PIK3R4: variants seen among roughly 807,000 people sequenced by gnomAD.
PIK3R4 encodes phosphoinositide-3-kinase regulatory subunit 4.
PIK3R4 carries 46 observed loss-of-function variants against 136.5 expected under a neutral mutation model. The observed-to-expected ratio is 0.34, with a 90% CI of 0.27 to 0.43. PIK3R4 has a LOEUF of 0.43. Among genes scored for constraint, PIK3R4 ranks in the 20% least tolerant of loss-of-function variants. The pLI is 1.00. For synonymous variants in PIK3R4, 557 were observed against 566.7 expected, an observed-to-expected ratio of 0.98 and a Z score of 0.24; for missense variants, 1,331 against 1,649.5, an observed-to-expected ratio of 0.81 and a Z score of 3.35.
At chr3:130,718,644 C>T (rs2066680649) in intron 7 of PIK3R4, 110 bp from the exon 8 acceptor site, 2 of 949,528 alleles carry the variant, frequency 2.1e-6, no homozygotes, top group South Asian at 3.2e-5. Flanking sequence ...CACAGTGTTA[C>T]TATCAGGAGC....
At chr3:130,679,698 T>A (rs928373381) in intron 19 of PIK3R4, among the ~76,000 whole-genome samples, 1 of 152,184 alleles carries the variant, frequency 6.6e-6, no homozygotes, top group African/African-American at 2.4e-5. Context: ...TAGCCACTTA[T>A]AACTATGGAA....
At position 130,744,709 on chromosome 3, in the gene PIK3R4, A is replaced by G. The variant is rs147889150; in HGVS notation, c.510T>C (p.Phe170=). 2 of 1,614,130 alleles carry G rather than the reference A, an allele frequency of 1.2e-6. No homozygotes were observed. Among genetic ancestry groups the G allele is most frequent in the African/African-American group, 2.7e-5 (2 of 74,952 alleles). The change falls in exon 2 of 20, where the codon TTT becomes TTC. Residue 170 remains phenylalanine, a synonymous_variant. Coordinates refer to ENST00000356763, the MANE Select transcript of PIK3R4 (RefSeq NM_014602.3). ...TGTCTTCTGGAAGATAAGTGGGCTT[A>G]AAACTGGCAAAATCAGTTAGAAGAA... ...NWVLLTDFAS[F]KPTYLPEDNP...
rs2066478302 is a variant in PIK3R4, at chr3:130,684,531, GTC to G, written c.3476-152_3476-151del. ...AAAAAAGTTTTGTTCTCATGAAGCT[GTC>G]TCACCATTTTCAAACAATACCCCTT... On this transcript the variant is annotated intron_variant, in intron 15 of 19. Transcript: ENST00000356763. 6 of 646,860 alleles carry G rather than the reference GTC, an allele frequency of 9.3e-6. No homozygotes were observed. In the East Asian group the frequency reaches 1.7e-4, roughly 18 times the overall value. 40.1% of individuals were successfully genotyped at this position (646,860 alleles called of 1,614,324 possible). A position where few individuals can be genotyped will look rare whatever the true frequency, so the allele number is the denominator to read the frequency against.
At chr3:130,725,245 CTATGAA>C (rs1473612057) in intron 6 of PIK3R4, among the ~76,000 whole-genome samples, 2 of 151,462 alleles carry the variant, frequency 1.3e-5, no homozygotes, top group African/African-American at 4.8e-5. Context: ...TTGAATATGG[CTATGAA>C]TATGAGTACA....
In PIK3R4 at chr3:130,681,522, G is replaced by A; in HGVS notation, c.3677C>T (p.Ala1226Val). The A allele has an allele frequency of 1.9e-6, 3 of 1,611,320 alleles. No individual in the cohort carries two copies. The highest frequency in any genetic ancestry group is 1.7e-6 in the Non-Finnish European group (2 of 1,177,562). ...TTCAGAAAGTGGTGGTGCACTGCTGGCCCAGAGAGTAAATCTTCTGTCACC... is the reference window on the plus strand; with the variant it reads ...TTCAGAAAGTGGTGGTGCACTGCTGACCCAGAGAGTAAATCTTCTGTCACC... ...ETGDRRFTLW[A>V]SSAPPLSELQ... Residue 1226 changes from alanine to valine, a missense_variant, in exon 17 of 20, where the codon GCC becomes GTC. Around this residue, in one of 2 missense-constraint regions of PIK3R4, gnomAD observed 1,180 missense variants for 1,407.0 expected, o/e 0.84. Transcript: ENST00000356763.
At chr3:130,718,950 C>T (rs57994860) in intron 7 of PIK3R4, among the ~76,000 whole-genome samples, 133 of 152,240 alleles carry the variant, frequency 8.7e-4, no homozygotes, top group African/African-American at 3.0e-3. Context: ...ATCCCCTCTA[C>T]CACCCAAGGG....
Position 130,733,993 on chromosome 3 carries a change from C to T in PIK3R4, c.1005G>A (p.Thr335=), listed in dbSNP as rs375286876. ...QPYMAQFAKE[T]FLSADERILV... is the part of the protein sequence containing the mutation. ...GAATACGCTCATCTGCAGAAAGAAA[C>T]GTTTCCTTGGCAAACTGGGCCATGT... The change falls in exon 4 of 20, where the codon ACG becomes ACA. Residue 335 remains threonine, a synonymous_variant. Coordinates refer to ENST00000356763, the MANE Select transcript of PIK3R4 (RefSeq NM_014602.3). The T allele has an allele frequency of 8.1e-6, 13 of 1,613,956 alleles. No individual in the cohort carries two copies. The highest frequency in any genetic ancestry group is 6.7e-5 in the African/African-American group (5 of 74,884).
At chr3:130,714,116 AAAC>A (rs1470007809) in intron 9 of PIK3R4, among the ~76,000 whole-genome samples, 1 of 152,224 alleles carries the variant, frequency 6.6e-6, no homozygotes, top group Non-Finnish European at 1.5e-5. Context: ...TACTCAGGAG[AAAC>A]AACAGAAAAA....
intron 8 of PIK3R4, among the ~76,000 whole-genome samples, chr3:130,717,335 TC>T (rs539062911): frequency 8.6e-4 from 131 of 152,198 alleles, no homozygotes; most frequent in Non-Finnish European, 1.3e-3. Flanking sequence ...CCTCTCAACT[TC>T]TGATCCTGGC....
chr3:130,681,691 CTTT>C, intron 16 of PIK3R4, 100 bp from the exon 17 acceptor site: 1 of 648,402 alleles, frequency 1.5e-6, no homozygotes, highest in South Asian at 1.9e-5. Flanking sequence ...AGAAAAATTT[CTTT>C]CTTTCTTTCA....
intron 13 of PIK3R4, among the ~76,000 whole-genome samples, chr3:130,702,627 T>A (rs1190257665): frequency 6.6e-6 from 1 of 152,160 alleles, no homozygotes; most frequent in Non-Finnish European, 1.5e-5. Context: ...CAGCTTTCTT[T>A]TCAGACCAAA....
At chr3:130,712,440 G>A (rs1457552964) in intron 9 of PIK3R4, among the ~76,000 whole-genome samples, 7 of 152,050 alleles carry the variant, frequency 4.6e-5, no homozygotes, top group Non-Finnish European at 8.8e-5. Context: ...AGGCCAAGGC[G>A]GGCGGATCAC....
At chr3:130,680,919 T>C (rs2108513525) in intron 18 of PIK3R4, 58 bp downstream of exon 18, 1 of 874,632 alleles carries the variant, frequency 1.1e-6, no homozygotes, top group Non-Finnish European at 1.8e-6. Flanking sequence ...GTGCCATCAG[T>C]ATCTATAATA....
chr3:130,679,302 A>C lies in PIK3R4; in HGVS notation c.*13T>G. On this transcript the variant is annotated 3_prime_UTR_variant, in exon 20 of 20. Transcript: ENST00000356763. ...TATTTATAACTATTAAAATTTATAC[A>C]AATCAGTAGGTTTTATTTCCACACC... 6.6e-7 allele frequency: 1 copy of C among 1,515,904 alleles called. No individual in the cohort carries two copies. The highest frequency in any genetic ancestry group is 2.0e-5 in the Admixed American group (1 of 50,580). 93.9% of individuals were successfully genotyped at this position (1,515,904 alleles called of 1,614,324 possible). A position where few individuals can be genotyped will look rare whatever the true frequency, so the allele number is the denominator to read the frequency against.
intron 2 of PIK3R4, among the ~76,000 whole-genome samples, chr3:130,739,989 G>C (rs1417979997): frequency 6.6e-6 from 1 of 152,184 alleles, no homozygotes; most frequent in Admixed American, 6.5e-5. Flanking sequence ...AACTGAGTAA[G>C]GGCTATACTC....
chr3:130,703,837 G>A lies in PIK3R4; in HGVS notation c.2984C>T (p.Ala995Val). ...ATCAGAGACTCTAATTCGATTCACA[G>A]CAGATTTATGCTCATGAAGATGGGC... ...LVAHLHEHKS[A>V]VNRIRVSDEH... The change falls in exon 13 of 20, where the codon GCT becomes GTT. Residue 995 changes from alanine to valine, a missense_variant. This residue lies in a region of PIK3R4 where 1,180 missense variants were observed against 1,407.0 expected (regional missense o/e 0.84). Transcript: ENST00000356763. 5.6e-6 allele frequency: 9 copies of A among 1,612,426 alleles called. No homozygotes were observed. The highest frequency in any genetic ancestry group is 7.6e-6 in the Non-Finnish European group (9 of 1,178,572).
chr3:130,679,643 G>A (rs1255363458), intron 19 of PIK3R4, among the ~76,000 whole-genome samples, 158 bp from the exon 20 acceptor site: 2 of 152,148 alleles, frequency 1.3e-5, no homozygotes, highest in African/African-American at 4.8e-5. Context: ...AGGAGTAGAG[G>A]AGCCAAAATG....
intron 13 of PIK3R4, among the ~76,000 whole-genome samples, chr3:130,700,141 G>C (rs1182131135): frequency 5.9e-5 from 9 of 152,016 alleles, no homozygotes; most frequent in Admixed American, 5.2e-4. Context: ...CTCTCTTCCT[G>C]TTCCAAAAAT....
chr3:130,738,281 T>C (rs1576464420), intron 2 of PIK3R4, among the ~76,000 whole-genome samples: 1 of 152,270 alleles, frequency 6.6e-6, no homozygotes, highest in East Asian at 1.9e-4. Context: ...GTTCAATAAG[T>C]TAGGTGTATT....
Sources: allele counts gnomAD v4.1 joint callset (sites outside exome capture counted in the v4.1 genomes callset), GRCh38; gene constraint gnomAD v4.1.1; regional missense constraint gnomAD v4.1.1; transcripts MANE v1.5; gene names NCBI Gene and HGNC (gene_info 2026-07-23, HGNC 2026-07-21).